The following ZDHHC21 variants were observed in gnomAD, a reference collection of about 807,000 sequenced individuals.
The protein encoded by ZDHHC21 is palmitoyltransferase ZDHHC21.
Under a neutral mutation model 34.6 loss-of-function variants are expected in ZDHHC21, and 15 were observed. The ratio of observed to expected loss-of-function variants is 0.43; its 90% CI spans 0.29 to 0.67. The LOEUF (loss-of-function observed/expected upper bound fraction) is 0.67, where lower values mean the gene tolerates loss of function less well. Among genes scored for constraint, ZDHHC21 ranks in the 30% least tolerant of loss-of-function variants. ZDHHC21 has a pLI of 0.14. For missense variants in ZDHHC21, 344 were observed against 327.7 expected (o/e 1.05, Z -0.38); for synonymous variants, 142 against 101.8 (o/e 1.40, Z -2.38).
At chr9:14,649,259 C>A (rs997892730) in intron 7 of ZDHHC21, among the ~76,000 whole-genome samples, 3 of 151,942 alleles carry the variant, frequency 2.0e-5, no homozygotes, top group African/African-American at 4.8e-5. Flanking sequence ...CAGTAAAAAT[C>A]ATAAAATTAA....
At chr9:14,683,057 G>A (rs964133934) in intron 2 of ZDHHC21, among the ~76,000 whole-genome samples, 1 of 151,934 alleles carries the variant, frequency 6.6e-6, no homozygotes. Context: ...GAAATTTATA[G>A]CACTAAATGC....
intron 8 of ZDHHC21, among the ~76,000 whole-genome samples, chr9:14,624,631 C>G (rs1395075775): frequency 6.6e-6 from 1 of 151,932 alleles, no homozygotes; most frequent in Non-Finnish European, 1.5e-5. Flanking sequence ...CAGTAGTTAG[C>G]AGAGACTGGG....
intron 6 of ZDHHC21, among the ~76,000 whole-genome samples, chr9:14,661,391 G>T (rs182881224): frequency 2.0e-5 from 3 of 152,122 alleles, no homozygotes; most frequent in Non-Finnish European, 2.9e-5. Flanking sequence ...GGCTCATTAT[G>T]TAAATTTGCA....
At chr9:14,641,443 G>C (rs943340135) in intron 7 of ZDHHC21, among the ~76,000 whole-genome samples, 1 of 152,080 alleles carries the variant, frequency 6.6e-6, no homozygotes, top group Non-Finnish European at 1.5e-5. Flanking sequence ...ACACAAATTT[G>C]TTCTAACATA....
intron 7 of ZDHHC21, among the ~76,000 whole-genome samples, chr9:14,647,681 C>T (rs141386804): frequency 1.9e-5 from 1 of 52,704 alleles, no homozygotes; most frequent in African/African-American, 6.3e-5. Flanking sequence ...CAATTTACCA[C>T]CACGTTTCTT....
chr9:14,597,629 C>G, the ZDHHC21 span, among the ~76,000 whole-genome samples: 13 of 152,148 alleles, frequency 8.5e-5, no homozygotes, highest in Admixed American at 3.3e-4. Flanking sequence ...CTGCTGGTAC[C>G]TGCACATACC....
chr9:14,689,403 CAGG>C (rs1838835378), intron 2 of ZDHHC21, among the ~76,000 whole-genome samples: 1 of 152,070 alleles, frequency 6.6e-6, no homozygotes, highest in Admixed American at 6.5e-5. Context: ...CTGAGTTTTC[CAGG>C]AAGACTTTGT....
the ZDHHC21 span, among the ~76,000 whole-genome samples, chr9:14,602,041 A>T: frequency 6.6e-6 from 1 of 152,140 alleles, no homozygotes; most frequent in African/African-American, 2.4e-5. Context: ...AGAAATACCT[A>T]ATGTAGGTGA....
At chr9:14,621,221 G>C (rs1379421580) in intron 8 of ZDHHC21, among the ~76,000 whole-genome samples, 1 of 151,864 alleles carries the variant, frequency 6.6e-6, no homozygotes, top group Admixed American at 6.6e-5. Flanking sequence ...GTATATGAAT[G>C]GCCTAAGATC....
intron 8 of ZDHHC21, among the ~76,000 whole-genome samples, chr9:14,635,255 A>C (rs1234034120): frequency 6.6e-6 from 1 of 152,212 alleles, no homozygotes; most frequent in East Asian, 1.9e-4. Flanking sequence ...CAAACCTAGA[A>C]AACCTACTTA....
intron 7 of ZDHHC21, among the ~76,000 whole-genome samples, chr9:14,650,269 TAAA>T (rs1205061240): frequency 1.3e-5 from 2 of 151,744 alleles, no homozygotes; most frequent in African/African-American, 4.8e-5. Context: ...GCAAAAAAAA[TAAA>T]AAATGTTACT....
In ZDHHC21 at chr9:14,661,314, G is replaced by T. The variant is rs372082993; in HGVS notation, c.365+901C>A. ...TCAAAAATAAAGAAAACTCTAAATA[G>T]ACTAACATTAGAAAAAGCTAAACTC... is the stretch of plus-strand genomic sequence containing the variant. On this transcript the variant is annotated intron_variant, in intron 6 of 9. Coordinates refer to ENST00000380916, the MANE Select transcript of ZDHHC21 (RefSeq NM_178566.6). Among the ~76,000 whole-genome samples, 19 of 152,100 alleles carry T rather than the reference G, an allele frequency of 1.2e-4. No individual in the cohort carries two copies. The East Asian group carries it at 2.1e-3, about 17-fold the overall frequency.
chr9:14,599,713 C>T, the ZDHHC21 span, among the ~76,000 whole-genome samples: 1 of 152,120 alleles, frequency 6.6e-6, no homozygotes, highest in Non-Finnish European at 1.5e-5. Context: ...GCTTGAAATT[C>T]TTGCCACCAG....
intron 8 of ZDHHC21, among the ~76,000 whole-genome samples, chr9:14,639,523 G>C (rs12335367): frequency 0.2 from 30,303 of 151,946 alleles, 3,777 homozygotes; most frequent in East Asian, 0.41. Flanking sequence ...CTAATATATA[G>C]AAATGATAAA....
intron 4 of ZDHHC21, among the ~76,000 whole-genome samples, chr9:14,673,566 G>A (rs1835848488): frequency 6.7e-6 from 1 of 150,138 alleles, no homozygotes. Context: ...AAAGGGAATA[G>A]TCTGAGTGCT....
intron 7 of ZDHHC21, among the ~76,000 whole-genome samples, chr9:14,646,453 T>C (rs1830293118): frequency 6.6e-6 from 1 of 152,142 alleles, no homozygotes; most frequent in African/African-American, 2.4e-5. Flanking sequence ...AAAAGTTAGT[T>C]ATAAATGGCC....
intron 5 of ZDHHC21, among the ~76,000 whole-genome samples, chr9:14,667,278 C>T (rs1478313286): frequency 6.7e-6 from 1 of 148,226 alleles, no homozygotes; most frequent in African/African-American, 2.5e-5. Flanking sequence ...TCGACACATA[C>T]ACTCTCCCAA....
intron 7 of ZDHHC21, among the ~76,000 whole-genome samples, chr9:14,652,833 C>T (rs775154956): frequency 1.3e-4 from 19 of 152,000 alleles, no homozygotes; most frequent in South Asian, 4.1e-4. Flanking sequence ...TAAACACTTT[C>T]GCCTTAAAAA....
In ZDHHC21 at chr9:14,662,602, G is replaced by T. The variant is rs371041023; in HGVS notation, c.254-276C>A. Among the ~76,000 whole-genome samples the T allele has an allele frequency of 1.3e-4, 20 of 152,114 alleles. 1 individual carries two copies. The highest frequency in any genetic ancestry group is 7.7e-4 in the East Asian group (4 of 5,206). ...AGAAAACAATGTATTTGGATTCTGG[G>T]TATACTGTGAGAATATAAGTAAAAT... On this transcript the variant is annotated intron_variant, in intron 5 of 9. Coordinates refer to ENST00000380916, the MANE Select transcript of ZDHHC21 (RefSeq NM_178566.6).
Sources: gnomAD v4.1 joint callset for allele counts (sites outside exome capture counted in the v4.1 genomes callset) on GRCh38, gnomAD v4.1.1 for gene constraint, MANE v1.5 for transcripts, NCBI Gene and HGNC (gene_info 2026-07-23, HGNC 2026-07-21) for gene names.